The following GSE1 variants were observed in gnomAD, a reference collection of about 807,000 sequenced individuals.
GSE1 encodes the protein Gse1 coiled-coil protein.
Under a neutral mutation model 112.6 loss-of-function variants are expected in GSE1, and 32 were observed. That is an observed-to-expected ratio of 0.28 (90% CI 0.21 to 0.38). The LOEUF is 0.38. GSE1 is among the 10% of genes least tolerant of loss of function. GSE1 has a pLI of 1.00. For synonymous variants in GSE1, 1,115 were observed against 735.6 expected (o/e 1.52, Z -8.35); for missense variants, 2,348 against 1,699.2 (o/e 1.38, Z -6.71).
chr16:85,188,525 TA>T (rs2074756009), intron 1 of GSE1, among the ~76,000 whole-genome samples: 1 of 151,886 alleles, frequency 6.6e-6, no homozygotes, highest in Non-Finnish European at 1.5e-5. Flanking sequence ...GGGAAAGAGC[TA>T]GGGGAGGCCA....
chr16:85,668,445 AG>A (rs764790090), intron 14 of GSE1, 21 bp downstream of exon 14: 4 of 956,706 alleles, frequency 4.2e-6, no homozygotes, highest in East Asian at 2.4e-5. Context: ...GCTGGGGAAG[AG>A]GGGGGAGGGG....
intron 2 of GSE1, among the ~76,000 whole-genome samples, chr16:85,635,747 C>T (rs1417989102): frequency 6.6e-6 from 1 of 152,218 alleles, no homozygotes; most frequent in Non-Finnish European, 1.5e-5. Context: ...GCTGGGTTAT[C>T]CTTGCATCCT....
At chr16:85,527,377 A>G (rs1414238539) in intron 2 of GSE1, among the ~76,000 whole-genome samples, 1 of 152,278 alleles carries the variant, frequency 6.6e-6, no homozygotes, top group Non-Finnish European at 1.5e-5. Flanking sequence ...GTTCGCCCTC[A>G]GAAGAACCTC....
At chr16:85,441,363 C>T (rs2049371990) in intron 2 of GSE1, among the ~76,000 whole-genome samples, 2 of 152,162 alleles carry the variant, frequency 1.3e-5, no homozygotes, top group African/African-American at 4.8e-5. Flanking sequence ...ACTCACAAAA[C>T]AGGGGACGTG....
chr16:85,293,024 C>T (rs1330197467), intron 1 of GSE1, among the ~76,000 whole-genome samples: 1 of 152,122 alleles, frequency 6.6e-6, no homozygotes. Context: ...CAAGCGTGTA[C>T]GGTTGTGTGG....
intron 2 of GSE1, among the ~76,000 whole-genome samples, chr16:85,640,661 C>G (rs1406934267): frequency 6.6e-6 from 1 of 152,270 alleles, no homozygotes; most frequent in African/African-American, 2.4e-5. Context: ...GGAATGCTTC[C>G]ACCGTGGAGC....
intron 2 of GSE1, among the ~76,000 whole-genome samples, chr16:85,645,141 C>G (rs732461): frequency 1.3e-5 from 2 of 151,026 alleles, no homozygotes; most frequent in African/African-American, 4.9e-5. Flanking sequence ...TTGGCCCGGT[C>G]GACTTGGGGT....
chr16:85,627,419 C>T (rs984451919), intron 1 of GSE1, among the ~76,000 whole-genome samples: 3 of 152,100 alleles, frequency 2.0e-5, no homozygotes, highest in East Asian at 1.9e-4. Context: ...AGGGGTATGT[C>T]CCCTGGCCCC....
intron 1 of GSE1, among the ~76,000 whole-genome samples, chr16:85,331,430 T>C (rs1214073411): frequency 3.6e-5 from 5 of 140,316 alleles, no homozygotes; most frequent in Admixed American, 1.5e-4. Context: ...TATGTATATA[T>C]GTATATATAT....
chr16:85,612,713 C>T (rs913317175), upstream of GSE1, among the ~76,000 whole-genome samples: 1 of 151,646 alleles, frequency 6.6e-6, no homozygotes, highest in Non-Finnish European at 1.5e-5. Flanking sequence ...GGGGGTGGGG[C>T]TTGGGTACAC....
chr16:85,204,983 G>A (rs1332902253), intron 1 of GSE1, among the ~76,000 whole-genome samples: 1 of 152,196 alleles, frequency 6.6e-6, no homozygotes, highest in East Asian at 1.9e-4. Context: ...AAACCCCCTA[G>A]AATGTTCCTG....
intron 2 of GSE1, among the ~76,000 whole-genome samples, chr16:85,417,658 G>T (rs1567469157): frequency 1.3e-5 from 2 of 152,222 alleles, no homozygotes; most frequent in African/African-American, 2.4e-5. Context: ...GAAGGCTGGG[G>T]CCCAAGGCCA....
intron 2 of GSE1, among the ~76,000 whole-genome samples, chr16:85,484,767 C>T (rs563367953): frequency 6.6e-6 from 1 of 152,268 alleles, no homozygotes; most frequent in Admixed American, 6.5e-5. Context: ...CACTCCACCT[C>T]TGCTCCATGC....
At chr16:85,499,810 A>G (rs1050939479) in intron 2 of GSE1, among the ~76,000 whole-genome samples, 1 of 152,268 alleles carries the variant, frequency 6.6e-6, no homozygotes, top group Non-Finnish European at 1.5e-5. Context: ...ACATAAAAAG[A>G]TAACATATGT....
chr16:85,413,369 C>A (rs1267719055), intron 2 of GSE1, among the ~76,000 whole-genome samples: 2 of 152,136 alleles, frequency 1.3e-5, no homozygotes, highest in African/African-American at 4.8e-5. Context: ...GAGGGAGGAG[C>A]TGCCTGAAGT....
intron 2 of GSE1, among the ~76,000 whole-genome samples, chr16:85,638,589 G>A (rs1485166556): frequency 6.6e-6 from 1 of 152,178 alleles, no homozygotes; most frequent in Non-Finnish European, 1.5e-5. Flanking sequence ...GGGTGGGAAT[G>A]TGCCACAGCC....
intron 2 of GSE1, among the ~76,000 whole-genome samples, chr16:85,647,253 C>G (rs892169562): frequency 1.3e-5 from 2 of 152,192 alleles, no homozygotes; most frequent in Non-Finnish European, 2.9e-5. Context: ...CCTGCCTGCC[C>G]TGCACCCTCC....
At chr16:85,384,137 G>A (rs1292902848) in intron 2 of GSE1, among the ~76,000 whole-genome samples, 4 of 152,096 alleles carry the variant, frequency 2.6e-5, no homozygotes, top group African/African-American at 9.7e-5. Flanking sequence ...TCCCCTTACA[G>A]GGGGGCACAG....
intron 2 of GSE1, among the ~76,000 whole-genome samples, chr16:85,540,163 T>C (rs1169487664): frequency 6.6e-6 from 1 of 152,220 alleles, no homozygotes; most frequent in Non-Finnish European, 1.5e-5. Context: ...CAGCTCATTG[T>C]ATATGAAACA....
Sources: allele counts gnomAD v4.1 joint callset (sites outside exome capture counted in the v4.1 genomes callset), GRCh38; gene constraint gnomAD v4.1.1; transcripts MANE v1.5; gene names NCBI Gene and HGNC (gene_info 2026-07-23, HGNC 2026-07-21).